The following EML1 variants were observed in gnomAD, a reference collection of about 807,000 sequenced individuals.
The protein encoded by EML1 is echinoderm microtubule-associated protein-like 1.
A neutral mutation model predicts 110.4 loss-of-function variants in EML1; 27 were observed. The observed-to-expected ratio is 0.24, with a 90% CI of 0.18 to 0.34. The LOEUF (loss-of-function observed/expected upper bound fraction) is 0.34. Among genes scored for constraint, EML1 ranks in the 10% least tolerant of loss-of-function variants. The probability of loss-of-function intolerance (pLI) is 1.00; values close to 1 mark genes in which losing one functional copy is unlikely to be tolerated. For missense variants in EML1, 741 were observed against 1,030.9 expected, an observed-to-expected ratio of 0.72 and a Z score of 3.85; for synonymous variants, 344 against 385.8, an observed-to-expected ratio of 0.89 and a Z score of 1.27.
At chr14:99,743,251 T>C (rs1386380645) in intron 1 of EML1, among the ~76,000 whole-genome samples, 1 of 152,168 alleles carries the variant, frequency 6.6e-6, no homozygotes, top group Non-Finnish European at 1.5e-5. Context: ...CCAGCACTTT[T>C]GCTGAGGTGT....
At chr14:99,933,212 G>A (rs1026234238) in intron 17 of EML1, among the ~76,000 whole-genome samples, 7 of 152,180 alleles carry the variant, frequency 4.6e-5, no homozygotes, top group African/African-American at 1.7e-4. Context: ...GTGTCGCTCT[G>A]TCGCCCAGGC....
intron 1 of EML1, chr14:99,809,436 C>T (rs779048732): frequency 2.4e-5 from 8 of 328,266 alleles, no homozygotes; most frequent in Non-Finnish European, 4.2e-5. Flanking sequence ...CGCATACTTA[C>T]TCACGCAATT....
chr14:99,899,322 T>C (rs1389168292), intron 8 of EML1: 1 of 152,108 alleles, frequency 6.6e-6, no homozygotes, highest in Non-Finnish European at 1.5e-5. Flanking sequence ...CATTAATTTT[T>C]TTTTTTTTCT....
intron 1 of EML1, among the ~76,000 whole-genome samples, chr14:99,778,308 T>C (rs957802595): frequency 8.5e-5 from 13 of 152,254 alleles, no homozygotes; most frequent in African/African-American, 3.1e-4. Context: ...TATTGTATGA[T>C]TGAATTTCCT....
chr14:99,861,854 A>G (rs1201792784), intron 2 of EML1, among the ~76,000 whole-genome samples: 8 of 152,214 alleles, frequency 5.3e-5, no homozygotes, highest in Non-Finnish European at 1.2e-4. Flanking sequence ...TAAGCACAGA[A>G]GGTTCCCATA....
chr14:99,745,979 TCCTTA>T (rs2057103110), intron 1 of EML1, among the ~76,000 whole-genome samples: 1 of 152,212 alleles, frequency 6.6e-6, no homozygotes, highest in Non-Finnish European at 1.5e-5. Flanking sequence ...GGTGTCCTTG[TCCTTA>T]GGGTTAATAG....
chr14:99,762,527 G>A (rs1042127381), intron 1 of EML1, among the ~76,000 whole-genome samples: 1 of 152,194 alleles, frequency 6.6e-6, no homozygotes, highest in Non-Finnish European at 1.5e-5. Context: ...ACTGGGTGCA[G>A]TGACTCATGC....
chr14:99,879,439 T>G (rs954686582), intron 4 of EML1, among the ~76,000 whole-genome samples: 2 of 151,904 alleles, frequency 1.3e-5, no homozygotes, highest in African/African-American at 4.8e-5. Context: ...TAAGCATGTG[T>G]TTTTTTTCCC....
Position 99,774,665 on chromosome 14 carries a change from C to T in EML1, c.-27+652C>T, listed in dbSNP as rs139891854. Among the ~76,000 whole-genome samples the T allele has an allele frequency of 1.7e-3, 258 of 152,312 alleles. 1 individual carries two copies. The highest frequency in any genetic ancestry group is 5.8e-3 in the African/African-American group (241 of 41,568). Reference sequence around the variant, plus strand: ...GGTGCTCAGCAGCATGGCTGAGTGACGTTTGCACCCTTGGGCGGATGCCCT... The same window carrying T: ...GGTGCTCAGCAGCATGGCTGAGTGATGTTTGCACCCTTGGGCGGATGCCCT... On this transcript the variant is annotated intron_variant, in intron 1 of 22. Coordinates refer to the EML1 transcript ENST00000327921.
chr14:99,895,589 G>A (rs574304790), intron 6 of EML1, among the ~76,000 whole-genome samples: 7 of 152,242 alleles, frequency 4.6e-5, no homozygotes, highest in African/African-American at 1.7e-4. Context: ...CTGAAAGGAG[G>A]ACTAGCATTC....
intron 2 of EML1, among the ~76,000 whole-genome samples, chr14:99,854,915 T>C (rs535846784): frequency 2.0e-5 from 3 of 152,260 alleles, no homozygotes; most frequent in Admixed American, 2.0e-4. Context: ...CCCTTAGATA[T>C]TGCTGTTGTG....
chr14:99,874,877 T>C, intron 3 of EML1: 1 of 1,522,554 alleles, frequency 6.6e-7, no homozygotes, highest in South Asian at 1.2e-5. Flanking sequence ...TTCCACGCTT[T>C]TATTAATTGC....
At chr14:99,935,396 T>C (rs1270237074) in intron 17 of EML1, among the ~76,000 whole-genome samples, 1 of 151,846 alleles carries the variant, frequency 6.6e-6, no homozygotes, top group Non-Finnish European at 1.5e-5. Context: ...GCCCAGGAGG[T>C]TGAGGCTGCA....
At chr14:99,850,780 C>T in intron 1 of EML1, 73 bp from the exon 2 acceptor site, 4 of 1,514,498 alleles carry the variant, frequency 2.6e-6, no homozygotes, top group Non-Finnish European at 3.6e-6. Context: ...AAACAGCATG[C>T]TAGATAGAGT....
At chr14:99,874,578 T>TGTCTTGTCTTTAAGCTTTATTTTC (rs543712005) in intron 3 of EML1, among the ~76,000 whole-genome samples, 2,726 of 152,266 alleles carry the variant, frequency 0.018, 69 homozygotes, top group African/African-American at 0.06. Flanking sequence ...TTACTGCAAA[T>TGTCTTGTCTTTAAGCTTTATTTTC]GTCTTGTCTT....
chr14:99,885,803 G>T, intron 4 of EML1: 1 of 436,040 alleles, frequency 2.3e-6, no homozygotes, highest in Non-Finnish European at 4.6e-6. Context: ...CATGTTGGAC[G>T]CATTGTAACA....
At chr14:99,762,227 A>G (rs922707915) in intron 1 of EML1, among the ~76,000 whole-genome samples, 26 of 152,172 alleles carry the variant, frequency 1.7e-4, no homozygotes, top group African/African-American at 6.3e-4. Flanking sequence ...TTGCTTTTAA[A>G]TCTAGTGTTT....
At chr14:99,800,790 A>G (rs1294276432) in intron 1 of EML1, among the ~76,000 whole-genome samples, 3 of 152,244 alleles carry the variant, frequency 2.0e-5, no homozygotes, top group Admixed American at 2.0e-4. Flanking sequence ...GTTAAAATGC[A>G]GTCATTTATT....
At chr14:99,745,309 G>A (rs1001590672) in intron 1 of EML1, among the ~76,000 whole-genome samples, 1 of 152,134 alleles carries the variant, frequency 6.6e-6, no homozygotes, top group African/African-American at 2.4e-5. Context: ...CAAATTATCC[G>A]CCTGCTTCGG....
Sources: gnomAD v4.1 joint callset for allele counts (sites outside exome capture counted in the v4.1 genomes callset) on GRCh38, gnomAD v4.1.1 for gene constraint, MANE v1.5 for transcripts, NCBI Gene and HGNC (gene_info 2026-07-23, HGNC 2026-07-21) for gene names.